Variants in RNF24 observed in about 807,000 individuals in gnomAD.
RNF24 encodes ring finger protein 24.
In RNF24, 14 loss-of-function variants were observed where a neutral mutation model predicts 20.0. That is an observed-to-expected ratio of 0.70 (90% CI 0.46 to 1.10). The LOEUF is 1.10. Ranked by LOEUF, RNF24 falls within the 50% of genes least tolerant of loss-of-function variation. The probability of loss-of-function intolerance (pLI) is 0.00; values close to 1 mark genes in which losing one functional copy is unlikely to be tolerated. For missense variants in RNF24, 124 were observed against 177.6 expected, an observed-to-expected ratio of 0.70 and a Z score of 1.71; for synonymous variants, 45 against 61.1, an observed-to-expected ratio of 0.74 and a Z score of 1.23.
At chr20:3,985,138 A>C (rs1020266353) in intron 1 of RNF24, among the ~76,000 whole-genome samples, 4 of 152,208 alleles carry the variant, frequency 2.6e-5, no homozygotes, top group Non-Finnish European at 4.4e-5. Context: ...CTTTCCATTT[A>C]GCCTTAATTT....
chr20:3,941,088 A>G (rs1247250188), intron 4 of RNF24, among the ~76,000 whole-genome samples: 7 of 152,162 alleles, frequency 4.6e-5, no homozygotes, highest in South Asian at 2.1e-4. Context: ...CAGTGGCGCA[A>G]TCAAGGCTTG....
chr20:3,965,066 A>C (rs2091244049), intron 1 of RNF24, among the ~76,000 whole-genome samples: 1 of 152,192 alleles, frequency 6.6e-6, no homozygotes, highest in Non-Finnish European at 1.5e-5. Context: ...ACTACAGTTA[A>C]AATTCCACAG....
chr20:3,951,888 T>C (rs1004437450), intron 2 of RNF24, among the ~76,000 whole-genome samples: 4 of 152,154 alleles, frequency 2.6e-5, no homozygotes, highest in South Asian at 4.1e-4. Context: ...CCAAAAGATG[T>C]TTGTTTCAGG....
At chr20:3,972,746 C>CA (rs1236971637) in intron 1 of RNF24, among the ~76,000 whole-genome samples, 1 of 151,640 alleles carries the variant, frequency 6.6e-6, no homozygotes, top group South Asian at 2.1e-4. Flanking sequence ...ACTAAAAATA[C>CA]AAAAAAATTA....
intron 1 of RNF24, among the ~76,000 whole-genome samples, chr20:3,981,554 G>A (rs1221180757): frequency 1.3e-5 from 2 of 148,758 alleles, no homozygotes; most frequent in Non-Finnish European, 3.0e-5. Context: ...TCTCCAGGCT[G>A]GAGTGCAGTG....
At chr20:3,975,016 T>C (rs1037292322) in intron 1 of RNF24, among the ~76,000 whole-genome samples, 2 of 152,178 alleles carry the variant, frequency 1.3e-5, no homozygotes, top group African/African-American at 4.8e-5. Context: ...GGACTCATCA[T>C]AGCCTAATCA....
At chr20:3,992,453 T>C (rs1157255339) in intron 1 of RNF24, among the ~76,000 whole-genome samples, 1 of 151,136 alleles carries the variant, frequency 6.6e-6, no homozygotes, top group African/African-American at 2.4e-5. Flanking sequence ...TAACACAGAT[T>C]ACAAACTTGG....
At chr20:3,978,344 T>G (rs1213966681) in intron 1 of RNF24, among the ~76,000 whole-genome samples, 1 of 151,464 alleles carries the variant, frequency 6.6e-6, no homozygotes, top group Non-Finnish European at 1.5e-5. Context: ...CCAAGAAAAC[T>G]AAATTTTAAA....
intron 1 of RNF24, among the ~76,000 whole-genome samples, chr20:4,006,794 G>A (rs2122146040): frequency 6.6e-6 from 1 of 152,362 alleles, no homozygotes; most frequent in Non-Finnish European, 1.5e-5. Flanking sequence ...CACATGGAGG[G>A]CCCAGGCCAG....
rs796552019 is a variant in RNF24 at position 3,928,567 on chromosome 20, C to T, written c.*5496G>A. The T allele has an allele frequency of 2.6e-5, 4 of 152,126 alleles. No individual in the cohort carries two copies. The highest frequency in any genetic ancestry group is 9.6e-5 in the African/African-American group (4 of 41,512). 9.4% of individuals were successfully genotyped at this position (152,126 alleles called of 1,614,324 possible). A position where few individuals can be genotyped will look rare whatever the true frequency, so the allele number is the denominator to read the frequency against. ...GGTCAGGAGATCGAGACCATCCTGG[C>T]TAACACGGTGAAACTCCGTCTGTAC... On this transcript the variant is annotated 3_prime_UTR_variant, in exon 6 of 6. Coordinates refer to ENST00000358395, the MANE Select transcript of RNF24 (RefSeq NM_001134337.3).
chr20:3,990,410 C>T (rs1369871977), intron 1 of RNF24, among the ~76,000 whole-genome samples: 1 of 152,182 alleles, frequency 6.6e-6, no homozygotes, highest in Non-Finnish European at 1.5e-5. Context: ...AGGAATTTAT[C>T]TTTCAGATGT....
intron 2 of RNF24, among the ~76,000 whole-genome samples, chr20:3,961,633 G>T (rs1468109061): frequency 6.6e-6 from 1 of 151,770 alleles, no homozygotes; most frequent in East Asian, 1.9e-4. Flanking sequence ...ACTATATTAT[G>T]AGCTATATAT....
chr20:3,978,238 C>G (rs1256761624), intron 1 of RNF24, among the ~76,000 whole-genome samples: 2 of 151,876 alleles, frequency 1.3e-5, no homozygotes, highest in African/African-American at 4.8e-5. Flanking sequence ...GGGTTTCGCC[C>G]TGTTGGCCAG....
intron 3 of RNF24, among the ~76,000 whole-genome samples, chr20:3,947,681 G>A (rs901423770): frequency 6.6e-6 from 1 of 152,198 alleles, no homozygotes; most frequent in African/African-American, 2.4e-5. Context: ...TTTCTCTTTA[G>A]CAATCTGTTG....
chr20:3,935,122 C>T (rs2090875098), intron 4 of RNF24, 49 bp from the exon 5 acceptor site: 4 of 1,537,246 alleles, frequency 2.6e-6, no homozygotes, highest in Non-Finnish European at 3.6e-6. Context: ...AAGTACCCTC[C>T]CAGGTACAAA....
intron 3 of RNF24, 77 bp from the exon 4 acceptor site, chr20:3,945,295 T>A: frequency 7.1e-7 from 1 of 1,402,998 alleles, no homozygotes; most frequent in Non-Finnish European, 9.6e-7. Flanking sequence ...TTCTCAAATA[T>A]TTTTCTTTTG....
chr20:3,959,426 A>G (rs2091177659), intron 2 of RNF24, among the ~76,000 whole-genome samples: 1 of 152,136 alleles, frequency 6.6e-6, no homozygotes, highest in Non-Finnish European at 1.5e-5. Context: ...CCTCATAATA[A>G]CTGTAGCCCC....
At chr20:3,975,458 GAAGA>G (rs1468699134) in intron 1 of RNF24, among the ~76,000 whole-genome samples, 2 of 152,060 alleles carry the variant, frequency 1.3e-5, no homozygotes, top group African/African-American at 4.8e-5. Flanking sequence ...TCAAGAGGAT[GAAGA>G]AAGAAGCTAA....
At chr20:3,989,274 G>A (rs1305643414) in intron 1 of RNF24, among the ~76,000 whole-genome samples, 13 of 152,142 alleles carry the variant, frequency 8.5e-5, no homozygotes, top group African/African-American at 3.1e-4. Context: ...GGCGGATCAC[G>A]AGGTCAGGAG....
Sources: gnomAD v4.1 joint callset for allele counts (sites outside exome capture counted in the v4.1 genomes callset) on GRCh38, gnomAD v4.1.1 for gene constraint, MANE v1.5 for transcripts, NCBI Gene and HGNC (gene_info 2026-07-23, HGNC 2026-07-21) for gene names.